The following KLHDC4 variants were observed in gnomAD, a reference collection of about 807,000 sequenced individuals.
The protein encoded by KLHDC4 is kelch domain containing 4.
In KLHDC4, 90 loss-of-function variants were observed where a neutral mutation model predicts 62.4. The observed-to-expected ratio is 1.44, with a 90% confidence interval of 1.22 to 1.72. KLHDC4 has a LOEUF of 1.72. KLHDC4 is among the 40% of genes most tolerant of loss of function. The pLI is 0.00. For synonymous variants in KLHDC4, 386 were observed against 284.4 expected (o/e 1.36, Z -3.59); for missense variants, 1,025 against 699.7 (o/e 1.47, Z -5.25).
chr16:87,741,356 G>A (rs1033822288), intron 5 of KLHDC4, among the ~76,000 whole-genome samples: 2 of 152,218 alleles, frequency 1.3e-5, no homozygotes, highest in African/African-American at 4.8e-5. Context: ...ACAGCAGGAG[G>A]TGAGGGGGCC....
intron 2 of KLHDC4, among the ~76,000 whole-genome samples, 187 bp from the exon 3 acceptor site, chr16:87,756,664 G>A (rs552055570): frequency 2.7e-5 from 4 of 150,722 alleles, no homozygotes; most frequent in Admixed American, 6.6e-5. Context: ...CAGTGCCCAG[G>A]GCCACACTCC....
In KLHDC4 at chr16:87,730,798, A is replaced by T. The variant is rs1490323202; in HGVS notation, c.507-154T>A. 1.3e-5 allele frequency: 8 copies of T among 615,682 alleles called. No homozygotes were observed. In the East Asian group the frequency reaches 2.4e-4, roughly 19 times the overall value. 38.1% of individuals were successfully genotyped at this position (615,682 alleles called of 1,614,324 possible). ...TAAATACCATTTAATCTGATCTATC[A>T]ACTACCAAAACCATCCTGCTAAGAG... On this transcript the variant is annotated intron_variant, in intron 5 of 11. Coordinates refer to ENST00000270583, the MANE Select transcript of KLHDC4 (RefSeq NM_017566.4).
intron 7 of KLHDC4, among the ~76,000 whole-genome samples, chr16:87,720,080 G>A (rs564537072): frequency 1.8e-4 from 28 of 152,272 alleles, no homozygotes; most frequent in African/African-American, 6.3e-4. Context: ...TGGCTCACCC[G>A]GCTGTCGGCT....
chr16:87,716,995 T>G (rs2037137021), intron 7 of KLHDC4, among the ~76,000 whole-genome samples: 1 of 151,492 alleles, frequency 6.6e-6, no homozygotes, highest in South Asian at 2.1e-4. Flanking sequence ...ACTTTGAGAG[T>G]CCAAGGTGGG....
intron 5 of KLHDC4, among the ~76,000 whole-genome samples, chr16:87,735,743 T>C (rs1330299980): frequency 1.3e-5 from 2 of 152,194 alleles, no homozygotes; most frequent in Non-Finnish European, 2.9e-5. Context: ...AAAATCCACA[T>C]GTCCTCCTCA....
rs1013392058 is a variant in KLHDC4, at chr16:87,727,057, C to T, written c.600-133G>A. 4.5e-6 allele frequency: 4 copies of T among 888,844 alleles called. No homozygotes were observed. The African/African-American group carries it at 5.2e-5, about 12-fold the overall frequency. The allele number at this position is 888,844 out of a possible 1,614,324, so 55.1% of individuals were successfully genotyped here. ...AAACTCAAACCATTTTTCTCCTCTG[C>T]TCTTACACCAACACAACAATCAACA... On this transcript the variant is annotated intron_variant, in intron 6 of 11. Coordinates refer to ENST00000270583, the MANE Select transcript of KLHDC4 (RefSeq NM_017566.4).
At chr16:87,741,744 T>G (rs2042273493) in intron 5 of KLHDC4, among the ~76,000 whole-genome samples, 1 of 152,110 alleles carries the variant, frequency 6.6e-6, no homozygotes, top group South Asian at 2.1e-4. Flanking sequence ...AGAAAACCCT[T>G]AAAAGCCAAG....
At chr16:87,749,436 C>G (rs2043554349) in intron 4 of KLHDC4, among the ~76,000 whole-genome samples, 1 of 152,016 alleles carries the variant, frequency 6.6e-6, no homozygotes, top group East Asian at 1.9e-4. Flanking sequence ...CACCTGTAGT[C>G]CCAGCTGCTT....
chr16:87,736,121 T>G (rs1467373493), intron 5 of KLHDC4, among the ~76,000 whole-genome samples: 1 of 152,218 alleles, frequency 6.6e-6, no homozygotes, highest in Non-Finnish European at 1.5e-5. Flanking sequence ...GTCATTGTGC[T>G]GTCCGAGTGC....
chr16:87,712,278 TAAA>T (rs536083298), intron 8 of KLHDC4, among the ~76,000 whole-genome samples: 1 of 147,340 alleles, frequency 6.8e-6, no homozygotes, highest in Non-Finnish European at 1.5e-5. Context: ...AATGAACATT[TAAA>T]AAAAAAAACA....
intron 5 of KLHDC4, among the ~76,000 whole-genome samples, chr16:87,745,628 G>A (rs781251551): frequency 1.3e-5 from 2 of 152,224 alleles, no homozygotes; most frequent in Non-Finnish European, 2.9e-5. Context: ...ACAGACTGCA[G>A]TCAACTGTCA....
At chr16:87,721,473 G>A (rs112488903) in intron 7 of KLHDC4, among the ~76,000 whole-genome samples, 9 of 150,488 alleles carry the variant, frequency 6.0e-5, no homozygotes, top group African/African-American at 4.9e-5. Flanking sequence ...ACAGGTCTGC[G>A]TGTGCTGGAA....
At chr16:87,711,621 G>C (rs926403436) in intron 8 of KLHDC4, among the ~76,000 whole-genome samples, 178 bp from the exon 9 acceptor site, 1 of 152,180 alleles carries the variant, frequency 6.6e-6, no homozygotes, top group South Asian at 2.1e-4. Context: ...CTCCCCTCGA[G>C]TTCCACCCTT....
chr16:87,740,557 G>C (rs754637998), intron 5 of KLHDC4: 1 of 152,212 alleles, frequency 6.6e-6, no homozygotes, highest in African/African-American at 2.4e-5. Context: ...ACCCCCAGCT[G>C]TGACCCATCT....
intron 8 of KLHDC4, among the ~76,000 whole-genome samples, chr16:87,712,901 C>T (rs776459201): frequency 5.9e-5 from 9 of 152,232 alleles, no homozygotes; most frequent in Non-Finnish European, 1.3e-4. Flanking sequence ...CCACAGCCTC[C>T]CATAAGAGAG....
At chr16:87,757,593 CATAATA>C (rs1231197403) in intron 2 of KLHDC4, 1 of 151,736 alleles carries the variant, frequency 6.6e-6, no homozygotes, top group African/African-American at 2.4e-5. Context: ...AAGGAAATTA[CATAATA>C]ATATTATGGG....
chr16:87,705,484 C>G (rs1475635154), downstream of KLHDC4, among the ~76,000 whole-genome samples: 1 of 152,234 alleles, frequency 6.6e-6, no homozygotes, highest in Non-Finnish European at 1.5e-5. Context: ...TCATTCAAAC[C>G]AAATCTTTAG....
intron 5 of KLHDC4, among the ~76,000 whole-genome samples, chr16:87,733,504 C>T (rs551173767): frequency 1.3e-5 from 2 of 152,182 alleles, no homozygotes; most frequent in Admixed American, 6.5e-5. Flanking sequence ...CTCCTAGAGC[C>T]GCAGGCACCA....
downstream of KLHDC4, among the ~76,000 whole-genome samples, chr16:87,704,211 T>A (rs1429900911): frequency 6.6e-6 from 1 of 152,194 alleles, no homozygotes; most frequent in Non-Finnish European, 1.5e-5. Context: ...CCTCGTCACC[T>A]GAACGACACG....
Sources: gnomAD v4.1 joint callset for allele counts (sites outside exome capture counted in the v4.1 genomes callset) on GRCh38, gnomAD v4.1.1 for gene constraint, MANE v1.5 for transcripts, NCBI Gene and HGNC (gene_info 2026-07-23, HGNC 2026-07-21) for gene names.